Variants in GRID1 observed in about 807,000 individuals in gnomAD.
GRID1 encodes the protein glutamate receptor ionotropic, delta-1.
GRID1 carries 28 observed loss-of-function variants against 98.0 expected under a neutral mutation model. The observed-to-expected ratio is 0.29, with a 90% confidence interval of 0.21 to 0.39. GRID1 has a LOEUF of 0.39. GRID1 is among the 10% of genes least tolerant of loss of function. The pLI, the probability that GRID1 is intolerant of heterozygous loss-of-function variation, is 1.00. For missense variants in GRID1, 1,111 were observed against 1,340.5 expected, an observed-to-expected ratio of 0.83 and a Z score of 2.67; for synonymous variants, 553 against 538.5, an observed-to-expected ratio of 1.03 and a Z score of -0.37.
chr10:86,122,610 A>G (rs959852071), intron 4 of GRID1, among the ~76,000 whole-genome samples: 8 of 152,252 alleles, frequency 5.3e-5, no homozygotes, highest in African/African-American at 1.7e-4. Context: ...CTTCCTTTGG[A>G]AGCTAAAAGT....
chr10:86,189,838 G>C (rs1289070092), intron 3 of GRID1, among the ~76,000 whole-genome samples: 2 of 152,146 alleles, frequency 1.3e-5, no homozygotes, highest in African/African-American at 2.4e-5. Context: ...GGAGGCTCTT[G>C]TGCCCACTAA....
At chr10:86,021,867 T>A (rs1181687309) in intron 4 of GRID1, among the ~76,000 whole-genome samples, 1 of 152,208 alleles carries the variant, frequency 6.6e-6, no homozygotes, top group East Asian at 1.9e-4. Context: ...CTCAGGTGTG[T>A]CTGCAAAGGG....
At chr10:86,126,245 G>A (rs1844751199) in intron 4 of GRID1, among the ~76,000 whole-genome samples, 2 of 152,174 alleles carry the variant, frequency 1.3e-5, no homozygotes, top group Non-Finnish European at 2.9e-5. Flanking sequence ...CATGAGGTCG[G>A]CAGTTCAAGA....
intron 4 of GRID1, among the ~76,000 whole-genome samples, chr10:85,980,851 T>G (rs1564641387): frequency 6.6e-6 from 1 of 152,214 alleles, no homozygotes; most frequent in East Asian, 1.9e-4. Context: ...GGCTTCTCTG[T>G]GCCCTGCTTT....
chr10:86,095,706 T>A (rs989816716), intron 4 of GRID1, among the ~76,000 whole-genome samples: 6 of 151,912 alleles, frequency 3.9e-5, no homozygotes, highest in African/African-American at 1.2e-4. Context: ...AAAAATTTTT[T>A]TAAAAGTAGA....
intron 2 of GRID1, among the ~76,000 whole-genome samples, chr10:86,315,760 T>C (rs2132091528): frequency 6.6e-6 from 1 of 151,836 alleles, no homozygotes; most frequent in East Asian, 1.9e-4. Context: ...TCCATCTATC[T>C]ACTCCCACTC....
At chr10:86,027,576 G>T (rs1264075384) in intron 4 of GRID1, among the ~76,000 whole-genome samples, 1 of 152,150 alleles carries the variant, frequency 6.6e-6, no homozygotes, top group African/African-American at 2.4e-5. Flanking sequence ...GATTTTAGTG[G>T]CTGAGACAGC....
At chr10:86,080,370 G>GA (rs1168527699) in intron 4 of GRID1, among the ~76,000 whole-genome samples, 2 of 118,810 alleles carry the variant, frequency 1.7e-5, no homozygotes, top group African/African-American at 6.6e-5. Context: ...AAAAGAGAGA[G>GA]AAAAAGGAAA....
chr10:86,128,420 T>TA (rs1259571532), intron 4 of GRID1, among the ~76,000 whole-genome samples: 1 of 152,160 alleles, frequency 6.6e-6, no homozygotes, highest in Admixed American at 6.5e-5. Flanking sequence ...CCTTCACACT[T>TA]GTCTCCTACA....
chr10:86,307,586 A>T (rs1048025767), intron 2 of GRID1, among the ~76,000 whole-genome samples: 3 of 152,314 alleles, frequency 2.0e-5, no homozygotes, highest in African/African-American at 7.2e-5. Context: ...CTTAGTTGCA[A>T]GATGAATAAG....
intron 2 of GRID1, among the ~76,000 whole-genome samples, chr10:86,240,248 C>T (rs1280483514): frequency 6.6e-6 from 1 of 152,226 alleles, no homozygotes; most frequent in African/African-American, 2.4e-5. Flanking sequence ...AGGCCCATGG[C>T]TGGGGAGAGG....
intron 3 of GRID1, among the ~76,000 whole-genome samples, chr10:86,197,829 C>G (rs551717753): frequency 6.6e-6 from 1 of 152,042 alleles, no homozygotes; most frequent in African/African-American, 2.4e-5. Flanking sequence ...AATTAACACA[C>G]CCCAAAGTAC....
chr10:85,752,587 T>C (rs1026081921), intron 8 of GRID1, among the ~76,000 whole-genome samples: 1 of 152,220 alleles, frequency 6.6e-6, no homozygotes, highest in Non-Finnish European at 1.5e-5. Context: ...TATATACTTA[T>C]GGCAAGGTTC....
intron 3 of GRID1, among the ~76,000 whole-genome samples, chr10:86,144,751 G>A (rs558963717): frequency 6.6e-6 from 1 of 152,030 alleles, no homozygotes; most frequent in Non-Finnish European, 1.5e-5. Context: ...CACGCTCCCG[G>A]TCACACTCCC....
chr10:85,650,262 T>C (rs1826552833), intron 12 of GRID1: 1 of 152,162 alleles, frequency 6.6e-6, no homozygotes, highest in Non-Finnish European at 1.5e-5. Context: ...AGGACGCCCA[T>C]TCTAGCAAGT....
chr10:85,860,651 A>G (rs1843155891), intron 6 of GRID1, among the ~76,000 whole-genome samples: 1 of 152,220 alleles, frequency 6.6e-6, no homozygotes, highest in Non-Finnish European at 1.5e-5. Flanking sequence ...AGCTTAGGCA[A>G]GTGGTCTAAT....
chr10:86,272,906 G>T (rs997710106), intron 2 of GRID1, among the ~76,000 whole-genome samples: 1 of 151,864 alleles, frequency 6.6e-6, no homozygotes, highest in Non-Finnish European at 1.5e-5. Flanking sequence ...TTGTTTGTTT[G>T]TTTTTGTTTT....
chr10:85,672,202 T>C (rs993083999), intron 12 of GRID1, among the ~76,000 whole-genome samples: 1 of 152,242 alleles, frequency 6.6e-6, no homozygotes, highest in Admixed American at 6.5e-5. Flanking sequence ...GAAGAGCAGG[T>C]TGATTTCTTG....
intron 11 of GRID1, among the ~76,000 whole-genome samples, chr10:85,723,772 A>T (rs1243030416): frequency 6.6e-6 from 1 of 152,224 alleles, no homozygotes; most frequent in Non-Finnish European, 1.5e-5. Context: ...AGAGCTTCTC[A>T]CTGCTTATTC....
Sources: gnomAD v4.1 joint callset for allele counts (sites outside exome capture counted in the v4.1 genomes callset) on GRCh38, gnomAD v4.1.1 for gene constraint, MANE v1.5 for transcripts, NCBI Gene and HGNC (gene_info 2026-07-23, HGNC 2026-07-21) for gene names.